AR: variants seen among roughly 807,000 people sequenced by gnomAD.
AR encodes the protein androgen receptor.
In AR, 8 loss-of-function variants were observed where a neutral mutation model predicts 53.9. The observed-to-expected ratio is 0.15, with a 90% CI of 0.09 to 0.27. The LOEUF is 0.27. AR is among the 10% of genes least tolerant of loss of function. The probability of loss-of-function intolerance (pLI) is 1.00; values close to 1 mark genes in which losing one functional copy is unlikely to be tolerated. For missense variants in AR, 639 were observed against 742.5 expected (o/e 0.86, Z 1.62); for synonymous variants, 359 against 316.4 (o/e 1.13, Z -1.43).
At chrX:67,626,231 G>A (rs760829950) in intron 1 of AR, among the ~76,000 whole-genome samples, 26 of 109,737 alleles carry the variant, frequency 2.4e-4, no homozygotes, top group African/African-American at 8.3e-4. Context: ...GCTACACTTC[G>A]TAGCATCTGG....
chrX:67,599,036 A>G (rs1463166804), intron 1 of AR, among the ~76,000 whole-genome samples: 33 of 111,368 alleles, frequency 3.0e-4, no homozygotes, highest in Non-Finnish European at 1.1e-4. Context: ...TAGGAGGTGG[A>G]GAGAACTAAC....
intron 2 of AR, among the ~76,000 whole-genome samples, chrX:67,654,108 G>C (rs1295352959): frequency 3.6e-5 from 4 of 111,398 alleles, no homozygotes; most frequent in Non-Finnish European, 5.6e-5. Context: ...TTAGTTGTAA[G>C]ACTTAATACA....
intron 2 of AR, among the ~76,000 whole-genome samples, chrX:67,677,034 C>G (rs761142958): frequency 9.0e-6 from 1 of 110,634 alleles, no homozygotes; most frequent in Non-Finnish European, 1.9e-5. Flanking sequence ...TGTCCTCTGG[C>G]CTCCCTTGAC....
intron 5 of AR, among the ~76,000 whole-genome samples, chrX:67,720,562 T>C (rs893810435): frequency 6.3e-5 from 7 of 111,671 alleles, no homozygotes; most frequent in African/African-American, 2.0e-4. Context: ...AGCAACACTG[T>C]TCTGCTCAAT....
At chrX:67,637,101 AT>A (rs1218270038) in intron 1 of AR, among the ~76,000 whole-genome samples, 2 of 111,432 alleles carry the variant, frequency 1.8e-5, no homozygotes, top group Non-Finnish European at 3.8e-5. Flanking sequence ...TTTAAAAAAC[AT>A]TTTTTAATAA....
chrX:67,545,593 G>A lies in AR; in HGVS notation c.447G>A (p.Leu149=). The change falls in exon 1 of 8, where the codon CTG becomes CTA. Residue 149 remains leucine, a synonymous_variant. Transcript: ENST00000374690. ...VAASKGLPQQ[L]PAPPDEDDSA... Reference sequence around the variant, plus strand: ...CCAGCAAGGGGCTGCCGCAGCAGCTGCCAGCACCTCCGGACGAGGATGACT... The same window carrying A: ...CCAGCAAGGGGCTGCCGCAGCAGCTACCAGCACCTCCGGACGAGGATGACT... 2 of 1,187,172 alleles carry A rather than the reference G, an allele frequency of 1.7e-6. No individual in the cohort carries two copies. Among genetic ancestry groups the A allele is most frequent in the Non-Finnish European group, 2.3e-6 (2 of 883,030 alleles).
intron 1 of AR, among the ~76,000 whole-genome samples, chrX:67,640,484 C>T (rs1256073026): frequency 9.0e-6 from 1 of 111,385 alleles, no homozygotes; most frequent in African/African-American, 3.3e-5. Flanking sequence ...TTAATTACTT[C>T]CTCAATTTCA....
chrX:67,678,949 A>C (rs1205433320), intron 2 of AR, among the ~76,000 whole-genome samples: 2 of 111,763 alleles, frequency 1.8e-5, no homozygotes, highest in African/African-American at 6.5e-5. Context: ...GGAATAAGTT[A>C]TATTGAACTA....
chrX:67,686,475 G>T (rs938634973), intron 3 of AR, among the ~76,000 whole-genome samples: 4 of 111,294 alleles, frequency 3.6e-5, no homozygotes, highest in African/African-American at 1.3e-4. Flanking sequence ...TAGGATGAGA[G>T]AACTAAGAAA....
chrX:67,585,370 A>G (rs767890226), intron 1 of AR, among the ~76,000 whole-genome samples: 3 of 111,623 alleles, frequency 2.7e-5, no homozygotes, highest in Admixed American at 1.9e-4. Context: ...AGCAATATGG[A>G]CTGAGTTTCT....
intron 1 of AR, among the ~76,000 whole-genome samples, chrX:67,553,430 G>A (rs1930069558): frequency 8.9e-6 from 1 of 111,823 alleles, no homozygotes; most frequent in Non-Finnish European, 1.9e-5. Context: ...TCCTATGCCG[G>A]TACCACGTTA....
chrX:67,550,538 A>G (rs759463633), intron 1 of AR, among the ~76,000 whole-genome samples: 1 of 110,304 alleles, frequency 9.1e-6, no homozygotes, highest in East Asian at 2.8e-4. Flanking sequence ...TTTAATGGTG[A>G]TATCAAGATC....
At chrX:67,587,902 C>T (rs753690601) in intron 1 of AR, among the ~76,000 whole-genome samples, 155 of 110,572 alleles carry the variant, frequency 1.4e-3, no homozygotes, top group South Asian at 1.6e-3. Flanking sequence ...CAGTCCTGTC[C>T]CCCGAGACAT....
chrX:67,544,299 A>G lies in AR; in HGVS notation c.-848A>G, dbSNP rs748237927. 2.9e-4 allele frequency: 50 copies of G among 170,933 alleles called. 1 individual carries two copies. Among genetic ancestry groups the G allele is most frequent in the Middle Eastern group, 1.8e-3 (1 of 542 alleles). The allele number at this position is 170,933 out of a possible 1,213,427, so 14.1% of individuals were successfully genotyped here. A position where few individuals can be genotyped will look rare whatever the true frequency, so the allele number is the denominator to read the frequency against. ...GCTAAAGACTCGGAGGAAGCAAGGA[A>G]AGTGCCTGGTAGGACTGACGGCTGC... is the stretch of plus-strand genomic sequence containing the variant. On this transcript the variant is annotated 5_prime_UTR_variant, in exon 1 of 8. Coordinates refer to ENST00000374690, the MANE Select transcript of AR (RefSeq NM_000044.6).
chrX:67,645,379 A>C (rs1218314830), intron 2 of AR, among the ~76,000 whole-genome samples: 1 of 111,392 alleles, frequency 9.0e-6, no homozygotes, highest in East Asian at 2.9e-4. Context: ...GCAGAAGGGC[A>C]ACTGGCAGGG....
intron 3 of AR, among the ~76,000 whole-genome samples, chrX:67,710,380 G>A (rs1414164112): frequency 9.0e-6 from 1 of 111,065 alleles, no homozygotes; most frequent in Admixed American, 9.6e-5. Flanking sequence ...AGCATCAGTG[G>A]CACAATCATA....
chrX:67,704,490 GTTGT>G (rs1327769700), intron 3 of AR, among the ~76,000 whole-genome samples: 5 of 111,736 alleles, frequency 4.5e-5, no homozygotes, highest in Non-Finnish European at 9.4e-5. Context: ...TTTTGATGGG[GTTGT>G]TTGTTTTTTT....
chrX:67,630,223 A>C (rs1438785803), intron 1 of AR, among the ~76,000 whole-genome samples: 1 of 110,857 alleles, frequency 9.0e-6, no homozygotes, highest in Non-Finnish European at 1.9e-5. Flanking sequence ...GATCTGTCTA[A>C]TGTTGACAGT....
rs2076142173 is a variant in AR, at chrX:67,722,904, A to G, written c.2527A>G (p.Ile843Val). The G allele has an allele frequency of 8.3e-7, 1 of 1,209,249 alleles. No individual in the cohort carries two copies. The highest frequency in any genetic ancestry group is 3.0e-5 in the East Asian group (1 of 33,731). Reference sequence around the variant, plus strand: ...CTACATCAAGGAACTCGATCGTATCATTGCATGCAAAAGAAAAAATCCCAC... The same window carrying G: ...CTACATCAAGGAACTCGATCGTATCGTTGCATGCAAAAGAAAAAATCCCAC... Reference protein sequence around the residue: ...MNYIKELDRIIACKRKNPTSC... With the variant: ...MNYIKELDRIVACKRKNPTSC... Residue 843 changes from isoleucine to valine, a missense_variant, in exon 7 of 8, where the codon ATT becomes GTT. By Grantham distance (29) the Ile-to-Val change is conservative. Coordinates refer to ENST00000374690, the MANE Select transcript of AR (RefSeq NM_000044.6).
Sources: allele counts gnomAD v4.1 joint callset (sites outside exome capture counted in the v4.1 genomes callset), GRCh38; gene constraint gnomAD v4.1.1; transcripts MANE v1.5; gene names NCBI Gene and HGNC (gene_info 2026-07-23, HGNC 2026-07-21).